The following C2CD3 variants were observed in gnomAD, a reference collection of about 807,000 sequenced individuals.
C2CD3 encodes the protein C2 domain containing 3 centriole elongation regulator, also known as C2 domain-containing protein 3.
In C2CD3, 148 loss-of-function variants were observed where a neutral mutation model predicts 234.0. That is an observed-to-expected ratio of 0.63 (90% CI 0.55 to 0.72). The LOEUF (loss-of-function observed/expected upper bound fraction) is 0.72. Ranked by LOEUF, C2CD3 falls within the 30% of genes least tolerant of loss-of-function variation. The pLI is 0.00. For missense variants in C2CD3, 2,577 were observed against 2,811.5 expected, an observed-to-expected ratio of 0.92 and a Z score of 1.89; for synonymous variants, 1,000 against 1,035.4, an observed-to-expected ratio of 0.97 and a Z score of 0.66.
chr11:74,073,309 T>C (rs772569929), intron 24 of C2CD3, among the ~76,000 whole-genome samples: 52 of 152,132 alleles, frequency 3.4e-4, no homozygotes, highest in Non-Finnish European at 1.2e-4. Flanking sequence ...ACTGTAGGTC[T>C]GGCACAGTGG....
intron 16 of C2CD3, among the ~76,000 whole-genome samples, chr11:74,095,788 T>C (rs914642205): frequency 1.6e-4 from 25 of 152,226 alleles, no homozygotes; most frequent in African/African-American, 5.5e-4. Flanking sequence ...ATCGTAAATT[T>C]AGAATAAATT....
chr11:74,019,524 C>A (rs569382604), intron 32 of C2CD3, among the ~76,000 whole-genome samples: 1 of 152,324 alleles, frequency 6.6e-6, no homozygotes, highest in African/African-American at 2.4e-5. Flanking sequence ...GCTCAGCCGT[C>A]AGGCCTGGAC....
At chr11:74,058,856 A>T (rs1954079973) in intron 24 of C2CD3, among the ~76,000 whole-genome samples, 1 of 152,070 alleles carries the variant, frequency 6.6e-6, no homozygotes, top group Admixed American at 6.6e-5. Context: ...TAAAGATAAA[A>T]AATTTACTTC....
At position 74,073,422 on chromosome 11, in the gene C2CD3, A is replaced by G. The variant is rs1476893329; in HGVS notation, c.4951+831T>C. On this transcript the variant is annotated intron_variant, in intron 24 of 32. Transcript: ENST00000334126. Reference sequence around the variant, plus strand: ...TCCAACATGGTGAAAACACATCTCTACTAAAAATACAAAAATTAGCCAGGA... The same window carrying G: ...TCCAACATGGTGAAAACACATCTCTGCTAAAAATACAAAAATTAGCCAGGA... 2.6e-5 allele frequency among the ~76,000 whole-genome samples: 4 copies of G among 152,090 alleles called. No homozygotes were observed. In the East Asian group the frequency reaches 7.8e-4, roughly 29 times the overall value.
Position 74,165,708 on chromosome 11 carries a change from C to T in C2CD3, c.325+2636G>A, listed in dbSNP as rs575200632. On this transcript the variant is annotated intron_variant, in intron 2 of 32. Transcript: ENST00000334126. ...TCACTCTGTCACCCAGGCTGGAGTA[C>T]AGCGGCATGAACATGGCTCACTGCA... Among the ~76,000 whole-genome samples, 25 of 152,190 alleles carry T rather than the reference C, an allele frequency of 1.6e-4. No homozygotes were observed. The South Asian group carries it at 5.0e-3, about 30-fold the overall frequency.
rs751455494 is a variant in C2CD3 at position 74,118,267 on chromosome 11, T to C, written c.1481A>G (p.Asp494Gly). Residue 494 changes from aspartate (D) to glycine (G), a missense_variant, in exon 9 of 33, where the codon GAT becomes GGT. By Grantham distance (94) the Asp-to-Gly change is moderately conservative. Coordinates refer to ENST00000334126, the MANE Select transcript of C2CD3 (RefSeq NM_001286577.2). The part of the protein sequence containing the change: ...ARSSKVLESS[D>G]HKLKKRSAGK... ...TGCTGACCTCTTCTTCAGCTTATGATCACTTGACTCCAGAACCTTAGATGA... is the reference window on the plus strand; with the variant it reads ...TGCTGACCTCTTCTTCAGCTTATGACCACTTGACTCCAGAACCTTAGATGA... 6.2e-7 allele frequency: 1 copy of C among 1,613,944 alleles called. No homozygotes were observed. Among genetic ancestry groups the C allele is most frequent in the South Asian group, 1.1e-5 (1 of 91,068 alleles).
At position 74,082,198 on chromosome 11, in the gene C2CD3, C is replaced by G. The variant is rs536520842; in HGVS notation, c.4000+2683G>C. ...AGTGCAGTGGTGCGATCTCTAAATACTCCGCCTCCCGGGTTCATGCCATTC... is the reference window on the plus strand; with the variant it reads ...AGTGCAGTGGTGCGATCTCTAAATAGTCCGCCTCCCGGGTTCATGCCATTC... On this transcript the variant is annotated intron_variant, in intron 22 of 32. Coordinates refer to ENST00000334126, the MANE Select transcript of C2CD3 (RefSeq NM_001286577.2). 5.1e-4 allele frequency among the ~76,000 whole-genome samples: 77 copies of G among 149,772 alleles called. 1 individual carries two copies. Among genetic ancestry groups the G allele is most frequent in the African/African-American group, 1.9e-3 (76 of 40,638 alleles).
intron 9 of C2CD3, 101 bp from the exon 10 acceptor site, chr11:74,114,694 GTTTTTATT>G (rs1433442345): frequency 2.6e-6 from 2 of 781,318 alleles, no homozygotes; most frequent in African/African-American, 1.7e-5. Flanking sequence ...AGGGCAGCAA[GTTTTTATT>G]TTTTTATTTT....
Position 74,013,410 on chromosome 11 carries a change from G to T in C2CD3, c.7037C>A (p.Ser2346Tyr). The T allele has an allele frequency of 7.9e-7, 1 of 1,270,290 alleles. No homozygotes were observed. Among genetic ancestry groups the T allele is most frequent in the Non-Finnish European group, 1.0e-6 (1 of 966,434 alleles). The allele number at this position is 1,270,290 out of a possible 1,614,324, so 78.7% of individuals were successfully genotyped here. The stretch of plus-strand genomic sequence containing the variant: ...TCAGTCTTTCTGGGAGTACTGAGAA[G>T]AAAATATCCGTGCAATCCTGAGAGT... The part of the protein sequence containing the change: ...EETLRIARIF[S>Y]SQYSQKD The change falls in exon 33 of 33, where the codon TCT (serine) becomes TAT (tyrosine). Residue 2346 changes from serine to tyrosine, a missense_variant. Ser to Tyr is a moderately radical substitution (Grantham distance 144). Coordinates refer to ENST00000334126, the MANE Select transcript of C2CD3 (RefSeq NM_001286577.2).
chr11:74,050,045 G>A (rs1213587100), intron 26 of C2CD3, among the ~76,000 whole-genome samples: 1 of 152,134 alleles, frequency 6.6e-6, no homozygotes, highest in African/African-American at 2.4e-5. Context: ...CTCCCAAAGT[G>A]TTGGGATTAC....
intron 13 of C2CD3, among the ~76,000 whole-genome samples, chr11:74,105,772 T>C (rs1385196327): frequency 2.6e-5 from 4 of 152,176 alleles, no homozygotes; most frequent in African/African-American, 9.6e-5. Flanking sequence ...CCATCAATCA[T>C]CTCTTTTCTG....
At chr11:74,122,434 A>G (rs965562337) in intron 8 of C2CD3, among the ~76,000 whole-genome samples, 1 of 152,208 alleles carries the variant, frequency 6.6e-6, no homozygotes, top group African/African-American at 2.4e-5. Context: ...ACCTTCACAC[A>G]TATAAATAAC....
At chr11:74,120,408 C>T (rs924596684) in intron 8 of C2CD3, among the ~76,000 whole-genome samples, 7 of 152,124 alleles carry the variant, frequency 4.6e-5, no homozygotes, top group African/African-American at 1.4e-4. Context: ...ATAGCTTGCT[C>T]AGAATGATGG....
At chr11:74,027,956 C>A (rs984022664) in intron 32 of C2CD3, among the ~76,000 whole-genome samples, 1 of 152,084 alleles carries the variant, frequency 6.6e-6, no homozygotes, top group Non-Finnish European at 1.5e-5. Context: ...GTTGCATCTC[C>A]GCTCCTATCT....
chr11:74,119,986 CCTTTG>C (rs1957158404), intron 8 of C2CD3, among the ~76,000 whole-genome samples: 1 of 152,034 alleles, frequency 6.6e-6, no homozygotes, highest in Non-Finnish European at 1.5e-5. Context: ...TTTAAGTTAT[CCTTTG>C]AGTGGCAGCT....
intron 24 of C2CD3, among the ~76,000 whole-genome samples, chr11:74,071,371 T>C (rs766241185): frequency 1.4e-4 from 22 of 152,198 alleles, no homozygotes; most frequent in Non-Finnish European, 2.6e-4. Context: ...GATAAGCCCA[T>C]GCAGTCCTTC....
At position 74,118,300 on chromosome 11, in the gene C2CD3, A is replaced by G. The variant is rs566827108; in HGVS notation, c.1448T>C (p.Leu483Pro). Reference sequence around the variant, plus strand: ...CTCCAGAACCTTAGATGATCTGGCAAGAGCTGTTGACTGGCTTATTTTTTT... The same window carrying G: ...CTCCAGAACCTTAGATGATCTGGCAGGAGCTGTTGACTGGCTTATTTTTTT... ...PSKKISQSTA[L>P]ARSSKVLESS... The change falls in exon 9 of 33, where the codon CTT becomes CCT. Residue 483 changes from leucine (L) to proline (P), a missense_variant. Leu to Pro is a moderately conservative substitution (Grantham distance 98, BLOSUM62 -3). Transcript: ENST00000334126. 2.1e-5 allele frequency: 34 copies of G among 1,613,506 alleles called. No homozygotes were observed. In the East Asian group the frequency reaches 6.9e-4, roughly 33 times the overall value.
intron 19 of C2CD3, among the ~76,000 whole-genome samples, chr11:74,091,578 C>T (rs1955895587): frequency 6.6e-6 from 1 of 152,226 alleles, no homozygotes; most frequent in East Asian, 1.9e-4. Context: ...GTACACCATC[C>T]TGCTGGAAGC....
At chr11:74,157,523 GT>G (rs1205376979) in intron 3 of C2CD3, among the ~76,000 whole-genome samples, 3 of 151,720 alleles carry the variant, frequency 2.0e-5, no homozygotes, top group African/African-American at 4.8e-5. Context: ...TAAATGTTAA[GT>G]TTTTTTTCAG....
Sources: gnomAD v4.1 joint callset for allele counts (sites outside exome capture counted in the v4.1 genomes callset) on GRCh38, gnomAD v4.1.1 for gene constraint, MANE v1.5 for transcripts, NCBI Gene and HGNC (gene_info 2026-07-23, HGNC 2026-07-21) for gene names.